PHF24: variants seen among roughly 807,000 people sequenced by gnomAD.
The protein encoded by PHF24 is PHD finger protein 24.
Under a neutral mutation model 42.6 loss-of-function variants are expected in PHF24, and 25 were observed. That is an observed-to-expected ratio of 0.59 (90% CI 0.43 to 0.82). PHF24 has a LOEUF of 0.82. Among genes scored for constraint, PHF24 ranks in the 40% least tolerant of loss-of-function variants. The pLI, the probability that PHF24 is intolerant of heterozygous loss-of-function variation, is 0.00. For synonymous variants in PHF24, 185 were observed against 204.8 expected (o/e 0.90, Z 0.83); for missense variants, 470 against 538.1 (o/e 0.87, Z 1.25).
chr9:34,730,612 G>T, the PHF24 span, among the ~76,000 whole-genome samples: 1 of 152,192 alleles, frequency 6.6e-6, no homozygotes, highest in East Asian at 1.9e-4. Flanking sequence ...TCAAAGACAA[G>T]ACTAATTCAT....
chr9:34,709,346 C>A, the PHF24 span: 1 of 1,599,922 alleles, frequency 6.3e-7, no homozygotes, highest in Non-Finnish European at 8.5e-7. Context: ...AGGCTTCAAG[C>A]GCTGGTGAGG....
At chr9:34,714,516 G>A in the PHF24 span, among the ~76,000 whole-genome samples, 2 of 152,192 alleles carry the variant, frequency 1.3e-5, no homozygotes, top group African/African-American at 4.8e-5. Flanking sequence ...ACGCCAGACC[G>A]CCTTAAATAG....
At chr9:34,835,789 G>A in the PHF24 span, 1 of 1,548,822 alleles carries the variant, frequency 6.5e-7, no homozygotes, top group Non-Finnish European at 8.7e-7. Flanking sequence ...TTGTGACAGT[G>A]TTGGGTTTAT....
At chr9:34,946,409 G>T in the PHF24 span, among the ~76,000 whole-genome samples, 230 of 152,090 alleles carry the variant, frequency 1.5e-3, no homozygotes, top group Non-Finnish European at 2.3e-3. Flanking sequence ...TGTAAGACAG[G>T]GTTTTTTTCT....
chr9:34,846,792 G>A, the PHF24 span, among the ~76,000 whole-genome samples: 1 of 152,126 alleles, frequency 6.6e-6, no homozygotes, highest in Non-Finnish European at 1.5e-5. Flanking sequence ...TGTAAGGAAG[G>A]GATCCAGTTT....
At chr9:34,925,280 G>T in the PHF24 span, among the ~76,000 whole-genome samples, 11 of 152,260 alleles carry the variant, frequency 7.2e-5, no homozygotes, top group African/African-American at 2.4e-4. Context: ...GCTGTTTTTA[G>T]AATTATTTGT....
At chr9:34,720,970 C>T in the PHF24 span, among the ~76,000 whole-genome samples, 3 of 152,194 alleles carry the variant, frequency 2.0e-5, no homozygotes, top group African/African-American at 7.2e-5. Flanking sequence ...TACGGTTCCC[C>T]CTTCCCACAG....
chr9:34,907,037 G>A, the PHF24 span, among the ~76,000 whole-genome samples: 2 of 152,132 alleles, frequency 1.3e-5, no homozygotes, highest in Admixed American at 1.3e-4. Flanking sequence ...ATATTGCCCA[G>A]GCTGGTCCCA....
chr9:34,819,936 T>C, the PHF24 span, among the ~76,000 whole-genome samples: 1 of 152,186 alleles, frequency 6.6e-6, no homozygotes, highest in East Asian at 1.9e-4. Flanking sequence ...CTTGCAATTC[T>C]ATCAGGTTTT....
the PHF24 span, among the ~76,000 whole-genome samples, chr9:34,829,946 A>G: frequency 3.9e-5 from 6 of 152,194 alleles, no homozygotes; most frequent in Admixed American, 3.3e-4. Context: ...TCTCTGTAAC[A>G]AGATAGAGTT....
the PHF24 span, among the ~76,000 whole-genome samples, chr9:34,699,363 A>G: frequency 9.8e-5 from 15 of 152,336 alleles, no homozygotes; most frequent in African/African-American, 3.6e-4. Flanking sequence ...GGTTAAGGGA[A>G]GTCCTCTCAG....
the PHF24 span, among the ~76,000 whole-genome samples, chr9:34,945,545 G>A: frequency 6.6e-6 from 1 of 152,180 alleles, no homozygotes; most frequent in Non-Finnish European, 1.5e-5. Flanking sequence ...AATTGCCATT[G>A]TGACGGTATT....
At chr9:34,793,099 A>G in the PHF24 span, among the ~76,000 whole-genome samples, 1 of 152,090 alleles carries the variant, frequency 6.6e-6, no homozygotes, top group Non-Finnish European at 1.5e-5. Context: ...AAAACCATAA[A>G]GTTTTTATTA....
the PHF24 span, among the ~76,000 whole-genome samples, chr9:34,762,510 T>C: frequency 6.8e-6 from 1 of 147,556 alleles, no homozygotes; most frequent in South Asian, 2.2e-4. Context: ...GAGAAGTGTC[T>C]GTTCATGTCA....
At chr9:34,952,674 C>A (rs1437744986), upstream of PHF24, among the ~76,000 whole-genome samples, 1 of 152,104 alleles carries the variant, frequency 6.6e-6, no homozygotes, top group Non-Finnish European at 1.5e-5. Flanking sequence ...AGACATAGAT[C>A]AACACAGCAG....
chr9:34,717,375 C>T, the PHF24 span, among the ~76,000 whole-genome samples: 1 of 151,926 alleles, frequency 6.6e-6, no homozygotes, highest in Admixed American at 6.6e-5. Context: ...CATGGTTTCC[C>T]GAGGATAACG....
At chr9:34,751,379 A>G in the PHF24 span, among the ~76,000 whole-genome samples, 131 of 152,308 alleles carry the variant, frequency 8.6e-4, no homozygotes, top group South Asian at 0.01. Flanking sequence ...AAAAATAAAT[A>G]AATAAAAGAG....
At chr9:34,725,199 C>T in the PHF24 span, 40,553 of 1,441,978 alleles carry the variant, frequency 0.028, 503 homozygotes, top group African/African-American at 0.2. Context: ...CATTTGGAGT[C>T]GATGTGGCTC....
At chr9:34,723,458 A>T in the PHF24 span, 1 of 1,551,764 alleles carries the variant, frequency 6.4e-7, no homozygotes, top group Non-Finnish European at 8.7e-7. Context: ...ACTTCTCCCC[A>T]CAGGGCTCTT....
Sources: allele counts gnomAD v4.1 joint callset (sites outside exome capture counted in the v4.1 genomes callset), GRCh38; gene constraint gnomAD v4.1.1; transcripts MANE v1.5; gene names NCBI Gene and HGNC (gene_info 2026-07-23, HGNC 2026-07-21).